Variants in FAR2 observed in about 807,000 individuals in gnomAD.
FAR2 encodes epididymis secretory protein Li 81.
Under a neutral mutation model 56.0 loss-of-function variants are expected in FAR2, and 19 were observed. That is an observed-to-expected ratio of 0.34 (90% CI 0.24 to 0.50). The LOEUF (loss-of-function observed/expected upper bound fraction) is 0.50. Among genes scored for constraint, FAR2 ranks in the 20% least tolerant of loss-of-function variants. The pLI, the probability that FAR2 is intolerant of heterozygous loss-of-function variation, is 0.98. For missense variants in FAR2, 508 were observed against 642.2 expected (o/e 0.79, Z 2.26); for synonymous variants, 219 against 218.8 (o/e 1.00, Z -0.01).
In FAR2 at chr12:29,311,901, C is replaced by T. The variant is rs1248982488; in HGVS notation, c.906C>T (p.Val302=). ...TTTCCAGACCTAAGTCAACATTAGT[C>T]TACCACATTACATCTGGTAACATGA... ...TAVHRPKSTL[V]YHITSGNMNP... The change falls in exon 8 of 12, where the codon GTC becomes GTT. Residue 302 remains valine (V), a synonymous_variant. Transcript: ENST00000536681. 17 of 1,609,710 alleles carry T rather than the reference C, an allele frequency of 1.1e-5. No individual in the cohort carries two copies. The East Asian group carries it at 3.8e-4, about 36-fold the overall frequency.
intron 8 of FAR2, among the ~76,000 whole-genome samples, chr12:29,315,428 G>GCA (rs1949430494): frequency 6.6e-6 from 1 of 152,144 alleles, no homozygotes; most frequent in African/African-American, 2.4e-5. Flanking sequence ...CAAATGAGAT[G>GCA]AGATTCCACT....
chr12:29,222,897 G>A (rs1947711554), intron 1 of FAR2, among the ~76,000 whole-genome samples: 1 of 152,096 alleles, frequency 6.6e-6, no homozygotes, highest in Non-Finnish European at 1.5e-5. Context: ...GGTAACTGAC[G>A]CCAGCTGTCT....
At chr12:29,152,954 G>A (rs1241277011) in intron 1 of FAR2, among the ~76,000 whole-genome samples, 4 of 152,200 alleles carry the variant, frequency 2.6e-5, no homozygotes, top group Middle Eastern at 3.2e-3. Flanking sequence ...TTTGGGGTGG[G>A]AAGTGTGCAG....
chr12:29,303,160 A>T (rs1949204156), intron 4 of FAR2, among the ~76,000 whole-genome samples: 1 of 152,092 alleles, frequency 6.6e-6, no homozygotes, highest in Non-Finnish European at 1.5e-5. Context: ...CGACTGTTGG[A>T]ATTTCCAGGG....
At chr12:29,313,952 G>A (rs762856146) in intron 8 of FAR2, among the ~76,000 whole-genome samples, 5 of 146,270 alleles carry the variant, frequency 3.4e-5, no homozygotes, top group Non-Finnish European at 5.9e-5. Context: ...TATAGCTCAC[G>A]AATATTCGGC....
intron 1 of FAR2, among the ~76,000 whole-genome samples, chr12:29,152,301 A>G (rs2136569754): frequency 6.6e-6 from 1 of 152,344 alleles, no homozygotes; most frequent in South Asian, 2.1e-4. Context: ...GTCATCCTTT[A>G]AAATATCCTA....
rs747559242 is a variant in FAR2 at position 29,153,302 on chromosome 12, A to G, written c.-39+3895A>G. On this transcript the variant is annotated intron_variant, in intron 1 of 11. Transcript: ENST00000536681. ...TGCTCTTTGACAAAGAAAGATTTCAATTGCTATTGGAAAGAAGCATAGGGG... is the reference window on the plus strand; with the variant it reads ...TGCTCTTTGACAAAGAAAGATTTCAGTTGCTATTGGAAAGAAGCATAGGGG... Among the ~76,000 whole-genome samples the G allele has an allele frequency of 4.6e-5, 7 of 152,226 alleles. No homozygotes were observed. The East Asian group carries it at 7.7e-4, about 17-fold the overall frequency.
intron 1 of FAR2, among the ~76,000 whole-genome samples, chr12:29,224,499 C>T (rs73077524): frequency 0.016 from 2,467 of 152,266 alleles, 57 homozygotes; most frequent in African/African-American, 0.049. Context: ...TCAATTAAAA[C>T]ACAAAACTTA....
chr12:29,214,335 A>T (rs1238737042), intron 1 of FAR2, among the ~76,000 whole-genome samples: 1 of 152,200 alleles, frequency 6.6e-6, no homozygotes, highest in Admixed American at 6.5e-5. Context: ...AGAGAAAAAA[A>T]TTATTCACTC....
intron 2 of FAR2, among the ~76,000 whole-genome samples, chr12:29,281,975 G>A (rs111443959): frequency 2.4e-4 from 36 of 152,186 alleles, no homozygotes; most frequent in Non-Finnish European, 5.0e-4. Flanking sequence ...CCCTCACTGA[G>A]TCTTAAATTA....
intron 1 of FAR2, among the ~76,000 whole-genome samples, chr12:29,256,973 C>G (rs1948328854): frequency 6.6e-6 from 1 of 152,192 alleles, no homozygotes; most frequent in South Asian, 2.1e-4. Context: ...ACGAGCGCCA[C>G]CCCCTGCTCC....
chr12:29,222,747 G>A (rs1489421639), intron 1 of FAR2, among the ~76,000 whole-genome samples: 1 of 152,178 alleles, frequency 6.6e-6, no homozygotes, highest in Non-Finnish European at 1.5e-5. Context: ...TTGGGTCAAA[G>A]AGGAAGTCTT....
intron 1 of FAR2, among the ~76,000 whole-genome samples, chr12:29,164,442 C>T (rs1949808646): frequency 6.6e-6 from 1 of 152,168 alleles, no homozygotes; most frequent in Non-Finnish European, 1.5e-5. Context: ...GTTCTTTTGT[C>T]CTCCACCCTC....
intron 1 of FAR2, among the ~76,000 whole-genome samples, chr12:29,202,011 A>G (rs956515192): frequency 6.6e-6 from 1 of 152,196 alleles, no homozygotes; most frequent in Non-Finnish European, 1.5e-5. Context: ...CACAATTTAT[A>G]TTATACCACA....
rs1483850383 is a variant in FAR2, at chr12:29,277,736, G to C, written c.189+7098G>C. ...AAATGCAGGAGGGCATTTCTTTCAG[G>C]TAGATGCCTAGGCTCTGCCTACTTT... On this transcript the variant is annotated intron_variant, in intron 2 of 11. Coordinates refer to ENST00000536681, the MANE Select transcript of FAR2 (RefSeq NM_001271783.2). The C allele has an allele frequency of 2.6e-5, 4 of 152,252 alleles. No individual in the cohort carries two copies. In the East Asian group the frequency reaches 7.7e-4, roughly 29 times the overall value. 9.4% of individuals were successfully genotyped at this position (152,252 alleles called of 1,614,324 possible).
In FAR2 at chr12:29,334,427, GTATA is replaced by G. The variant is rs1018128658; in HGVS notation, c.*634_*637del. The G allele has an allele frequency of 6.6e-6, 1 of 152,198 alleles. No homozygotes were observed. The highest frequency in any genetic ancestry group is 2.4e-5 in the African/African-American group (1 of 41,444). The allele number at this position is 152,198 out of a possible 1,614,324, so 9.4% of individuals were successfully genotyped here. On this transcript the variant is annotated 3_prime_UTR_variant, in exon 12 of 12. Coordinates refer to ENST00000536681, the MANE Select transcript of FAR2 (RefSeq NM_001271783.2). Reference sequence around the variant, plus strand: ...AGGAACAAGAAGTGTAAATAAGTATGTATAGAGTGAGGGATTAAGCATATTTGCA... The same window carrying G: ...AGGAACAAGAAGTGTAAATAAGTATGGAGTGAGGGATTAAGCATATTTGCA...
chr12:29,268,904 T>C (rs1236219817), intron 1 of FAR2, among the ~76,000 whole-genome samples: 10 of 150,568 alleles, frequency 6.6e-5, no homozygotes, highest in Non-Finnish European at 1.5e-4. Flanking sequence ...GGGGAGGGAG[T>C]GTGCAAATAG....
chr12:29,297,558 G>C (rs12830493), intron 4 of FAR2, among the ~76,000 whole-genome samples: 18,253 of 152,212 alleles, frequency 0.12, 1,257 homozygotes, highest in Middle Eastern at 0.24. Flanking sequence ...GTCTGATTCA[G>C]ACTGACGTGA....
chr12:29,269,719 G>T (rs939060915), intron 1 of FAR2, among the ~76,000 whole-genome samples: 5 of 152,126 alleles, frequency 3.3e-5, no homozygotes, highest in African/African-American at 1.2e-4. Context: ...TTCTGCCATG[G>T]CTTCAGCCGG....
Sources: gnomAD v4.1 joint callset for allele counts (sites outside exome capture counted in the v4.1 genomes callset) on GRCh38, gnomAD v4.1.1 for gene constraint, MANE v1.5 for transcripts, NCBI Gene and HGNC (gene_info 2026-07-23, HGNC 2026-07-21) for gene names.